CADM2: variants seen among roughly 807,000 people sequenced by gnomAD.
The protein encoded by CADM2 is immunoglobulin superfamily member 4D.
A neutral mutation model predicts 49.8 loss-of-function variants in CADM2; 12 were observed. That is an observed-to-expected ratio of 0.24 (90% confidence interval 0.15 to 0.39). The LOEUF (loss-of-function observed/expected upper bound fraction) is 0.39. CADM2 is among the 10% of genes least tolerant of loss of function. The pLI is 1.00. For missense variants in CADM2, 378 were observed against 492.3 expected, an observed-to-expected ratio of 0.77 and a Z score of 2.20; for synonymous variants, 214 against 175.4, an observed-to-expected ratio of 1.22 and a Z score of -1.74.
intron 1 of CADM2, among the ~76,000 whole-genome samples, chr3:85,245,794 T>A (rs542881520): frequency 5.9e-5 from 9 of 152,170 alleles, no homozygotes; most frequent in Non-Finnish European, 1.2e-4. Flanking sequence ...ACATGCCAAG[T>A]AGTGTGCTGC....
chr3:85,568,497 TTC>T (rs201944281), intron 1 of CADM2, among the ~76,000 whole-genome samples: 11,803 of 65,602 alleles, frequency 0.18, 3,720 homozygotes, highest in East Asian at 0.62. Flanking sequence ...CTTTCTTTCT[TTC>T]TTTCTTTCTT....
chr3:85,620,098 T>C (rs2063926855), intron 1 of CADM2, among the ~76,000 whole-genome samples: 1 of 152,150 alleles, frequency 6.6e-6, no homozygotes, highest in Non-Finnish European at 1.5e-5. Flanking sequence ...TCATGCCCAA[T>C]AGCCCAATAT....
chr3:85,528,580 C>G (rs1022542513), intron 1 of CADM2, among the ~76,000 whole-genome samples: 8 of 152,178 alleles, frequency 5.3e-5, no homozygotes, highest in African/African-American at 9.7e-5. Context: ...CTAACCATAG[C>G]TACACTGATA....
At chr3:86,064,651 A>C (rs1739096493) in intron 8 of CADM2, among the ~76,000 whole-genome samples, 1 of 152,158 alleles carries the variant, frequency 6.6e-6, no homozygotes, top group African/African-American at 2.4e-5. Flanking sequence ...ACAATGAAAA[A>C]ATGCTCATCA....
intron 1 of CADM2, among the ~76,000 whole-genome samples, chr3:85,147,900 A>G (rs775682671): frequency 1.0e-3 from 155 of 152,218 alleles, no homozygotes; most frequent in Non-Finnish European, 7.6e-4. Flanking sequence ...ATTATAAAGT[A>G]CAAATTATAA....
intron 1 of CADM2, among the ~76,000 whole-genome samples, chr3:85,008,221 C>T (rs1404736778): frequency 1.3e-5 from 2 of 152,028 alleles, no homozygotes; most frequent in Non-Finnish European, 2.9e-5. Flanking sequence ...AGCTAACTAT[C>T]GATATGTGAT....
At chr3:85,534,006 G>T (rs954134400) in intron 1 of CADM2, among the ~76,000 whole-genome samples, 3 of 152,130 alleles carry the variant, frequency 2.0e-5, no homozygotes, top group East Asian at 1.9e-4. Context: ...GATGCAAAAT[G>T]ACATTATGGT....
chr3:84,971,860 A>G (rs751550514), intron 1 of CADM2, among the ~76,000 whole-genome samples: 1 of 152,088 alleles, frequency 6.6e-6, no homozygotes, highest in African/African-American at 2.4e-5. Flanking sequence ...TCACCTAGCC[A>G]TACCATGATG....
intron 1 of CADM2, among the ~76,000 whole-genome samples, chr3:85,661,699 GACC>G (rs1559577414): frequency 6.6e-6 from 1 of 151,866 alleles, no homozygotes. Context: ...CAAAGTGAAA[GACC>G]ACTAGCTCAA....
At chr3:85,119,649 ATTTG>A (rs1212432384) in intron 1 of CADM2, among the ~76,000 whole-genome samples, 1 of 151,990 alleles carries the variant, frequency 6.6e-6, no homozygotes, top group Non-Finnish European at 1.5e-5. Context: ...ATGCTTTTCC[ATTTG>A]TTTGTGTCCT....
At chr3:85,709,019 A>G (rs1426036958) in intron 1 of CADM2, among the ~76,000 whole-genome samples, 1 of 152,014 alleles carries the variant, frequency 6.6e-6, no homozygotes, top group Non-Finnish European at 1.5e-5. Context: ...AGTATTTATT[A>G]CCCAATAATA....
intron 2 of CADM2, among the ~76,000 whole-genome samples, chr3:85,772,258 A>G (rs972382892): frequency 9.2e-5 from 14 of 151,954 alleles, no homozygotes; most frequent in Admixed American, 2.0e-4. Flanking sequence ...ACTGGTCATT[A>G]ACTGACTTTT....
At chr3:85,338,439 A>G (rs903827553) in intron 1 of CADM2, among the ~76,000 whole-genome samples, 6 of 151,540 alleles carry the variant, frequency 4.0e-5, no homozygotes, top group Non-Finnish European at 8.9e-5. Context: ...ATAGTAAGTA[A>G]TCTGTGCAAT....
intron 7 of CADM2, among the ~76,000 whole-genome samples, chr3:85,940,787 C>G (rs1168795917): frequency 6.6e-6 from 1 of 151,932 alleles, no homozygotes; most frequent in Non-Finnish European, 1.5e-5. Context: ...ATATTAGTGG[C>G]CTGAGTAATC....
intron 2 of CADM2, among the ~76,000 whole-genome samples, chr3:85,778,927 T>G (rs949869415): frequency 1.3e-5 from 2 of 152,150 alleles, no homozygotes; most frequent in Non-Finnish European, 2.9e-5. Context: ...CACACAAAGA[T>G]CTATTGGACT....
At chr3:85,453,662 G>A (rs2037855454) in intron 1 of CADM2, among the ~76,000 whole-genome samples, 1 of 151,854 alleles carries the variant, frequency 6.6e-6, no homozygotes, top group Non-Finnish European at 1.5e-5. Context: ...CAAAAATAAT[G>A]GTGAATGTTT....
At chr3:85,795,305 A>T (rs1444941443) in intron 2 of CADM2, among the ~76,000 whole-genome samples, 1 of 152,194 alleles carries the variant, frequency 6.6e-6, no homozygotes, top group African/African-American at 2.4e-5. Context: ...TCAGGTTAAA[A>T]TCAGAAGTAA....
intron 8 of CADM2, among the ~76,000 whole-genome samples, chr3:86,039,304 A>ATTCCTAGTCAAAGAAATTCCCT (rs750097981): frequency 2.2e-5 from 2 of 92,514 alleles, no homozygotes; most frequent in Admixed American, 1.1e-4. Context: ...GGGTCAGGGA[A>ATTCCTAGTCAAAGAAATTCCCT]TTCCTAGTCA....
chr3:85,363,819 G>A (rs1224186592), intron 1 of CADM2, among the ~76,000 whole-genome samples: 1 of 151,158 alleles, frequency 6.6e-6, no homozygotes, highest in Non-Finnish European at 1.5e-5. Context: ...CACCGTGTTA[G>A]CCAGGATGGT....
Sources: allele counts gnomAD v4.1 joint callset (sites outside exome capture counted in the v4.1 genomes callset), GRCh38; gene constraint gnomAD v4.1.1; transcripts MANE v1.5; gene names NCBI Gene and HGNC (gene_info 2026-07-23, HGNC 2026-07-21).